The following CUL3 variants were observed in gnomAD, a reference collection of about 807,000 sequenced individuals.
CUL3 encodes the protein cullin-3.
A neutral mutation model predicts 89.1 loss-of-function variants in CUL3; 19 were observed. The observed-to-expected ratio is 0.21, with a 90% CI of 0.15 to 0.31. CUL3 has a LOEUF of 0.31. Ranked by LOEUF, CUL3 falls within the 10% of genes least tolerant of loss-of-function variation. CUL3 has a pLI of 1.00. For synonymous variants in CUL3, 351 were observed against 308.4 expected, an observed-to-expected ratio of 1.14 and a Z score of -1.45; for missense variants, 469 against 942.3, an observed-to-expected ratio of 0.50 and a Z score of 6.58.
intron 3 of CUL3, among the ~76,000 whole-genome samples, chr2:224,523,534 T>A (rs369119239): frequency 3.6e-4 from 55 of 152,214 alleles, no homozygotes; most frequent in African/African-American, 1.3e-3. Flanking sequence ...ACAAAAACAA[T>A]TAACATAGGA....
At chr2:224,522,813 G>A (rs1169952896) in intron 3 of CUL3, among the ~76,000 whole-genome samples, 2 of 146,052 alleles carry the variant, frequency 1.4e-5, no homozygotes, top group East Asian at 2.0e-4. Flanking sequence ...GGGTGACAGC[G>A]TGAGACACCG....
At chr2:224,512,513 T>C (rs1030261639) in intron 5 of CUL3, among the ~76,000 whole-genome samples, 4 of 152,244 alleles carry the variant, frequency 2.6e-5, no homozygotes, top group Non-Finnish European at 2.9e-5. Context: ...ACCTTATAAC[T>C]ACTATCTTAT....
At chr2:224,551,354 C>T (rs1574685993) in intron 2 of CUL3, among the ~76,000 whole-genome samples, 2 of 151,928 alleles carry the variant, frequency 1.3e-5, no homozygotes, top group Admixed American at 6.6e-5. Flanking sequence ...TACAGGTGCC[C>T]GCCACCACGT....
At chr2:224,500,871 G>A (rs931160115) in intron 10 of CUL3, among the ~76,000 whole-genome samples, 4 of 151,950 alleles carry the variant, frequency 2.6e-5, no homozygotes, top group Non-Finnish European at 4.4e-5. Context: ...TGATCTGCCC[G>A]TCTCAGCCTC....
rs1694977405 is a variant in CUL3 at position 224,563,934 on chromosome 2, G to C, written c.67-6078C>G. 2.6e-5 allele frequency among the ~76,000 whole-genome samples: 4 copies of C among 152,020 alleles called. No homozygotes were observed. In the South Asian group the frequency reaches 8.3e-4, roughly 32 times the overall value. On this transcript the variant is annotated intron_variant, in intron 1 of 15. Transcript: ENST00000264414. ...GCTTCCTTTAAGTGAAAAGGTGAAA[G>C]TTCTCTACTTAATAAGGAAAAAAAA...
rs968196250 is a variant in CUL3 at position 224,474,161 on chromosome 2, G to A, written c.*84C>T. The A allele has an allele frequency of 2.7e-5, 37 of 1,356,726 alleles. No individual in the cohort carries two copies. The highest frequency in any genetic ancestry group is 3.8e-4 in the Middle Eastern group (2 of 5,330). The allele number at this position is 1,356,726 out of a possible 1,614,324, so 84.0% of individuals were successfully genotyped here. A position where few individuals can be genotyped will look rare whatever the true frequency, so the allele number is the denominator to read the frequency against. On this transcript the variant is annotated 3_prime_UTR_variant, in exon 16 of 16. Coordinates refer to ENST00000264414, the MANE Select transcript of CUL3 (RefSeq NM_003590.5). ...CTGTAATTTAATAGAAGAGATGGTCGTCTTAATATTTAATGATTTAAAAGA... is the reference window on the plus strand; with the variant it reads ...CTGTAATTTAATAGAAGAGATGGTCATCTTAATATTTAATGATTTAAAAGA...
chr2:224,566,951 G>T (rs1559234153), intron 1 of CUL3, among the ~76,000 whole-genome samples: 1 of 152,142 alleles, frequency 6.6e-6, no homozygotes. Context: ...CCTTGAAATG[G>T]CAGGTAACCA....
At chr2:224,486,816 T>A (rs148235874) in intron 13 of CUL3, among the ~76,000 whole-genome samples, 1 of 151,888 alleles carries the variant, frequency 6.6e-6, no homozygotes. Context: ...CACATAATCA[T>A]CAGATTCACC....
rs561338665 is a variant in CUL3 at position 224,513,578 on chromosome 2, G to C, written c.600C>G (p.Val200=). ...AAGGAGCCTCAAAATCTTCTTCATA[G>C]ACTGATCTTCCTTCGAGACCTAAAA... ...LMILGLEGRS[V]YEEDFEAPFL... Residue 200 remains valine (V), a synonymous_variant, in exon 5 of 16, where the codon GTC becomes GTG. Coordinates refer to ENST00000264414, the MANE Select transcript of CUL3 (RefSeq NM_003590.5). The C allele has an allele frequency of 4.2e-5, 68 of 1,603,384 alleles. No individual in the cohort carries two copies. In the South Asian group the frequency reaches 6.7e-4, roughly 16 times the overall value.
At chr2:224,500,627 CTT>C (rs11350781) in intron 10 of CUL3, 140 bp from the exon 11 acceptor site, 17,188 of 392,166 alleles carry the variant, frequency 0.044, 3 homozygotes, top group South Asian at 0.057. Context: ...ATTTTCTTTT[CTT>C]TTTTTTTTTT....
intron 8 of CUL3, 186 bp downstream of exon 8, chr2:224,505,770 T>C: frequency 3.0e-6 from 1 of 333,524 alleles, no homozygotes; most frequent in Non-Finnish European, 5.3e-6. Context: ...ACACATTAAG[T>C]GAAATGTCTA....
chr2:224,494,742 A>G (rs1692105350), intron 13 of CUL3, among the ~76,000 whole-genome samples: 1 of 152,224 alleles, frequency 6.6e-6, no homozygotes, highest in Non-Finnish European at 1.5e-5. Context: ...ATATAAAAAA[A>G]TTAACCTAAA....
At chr2:224,572,279 C>T (rs1356461504) in intron 1 of CUL3, among the ~76,000 whole-genome samples, 7 of 152,132 alleles carry the variant, frequency 4.6e-5, no homozygotes, top group Admixed American at 4.6e-4. Flanking sequence ...TCAAAAGTCT[C>T]TGCCACGGTT....
At chr2:224,582,105 C>T (rs975349966) in intron 1 of CUL3, among the ~76,000 whole-genome samples, 2 of 152,092 alleles carry the variant, frequency 1.3e-5, no homozygotes, top group Admixed American at 6.5e-5. Flanking sequence ...GCTAGGTTTA[C>T]AGGCATCCGC....
chr2:224,527,434 G>A (rs1693521596), intron 3 of CUL3, among the ~76,000 whole-genome samples: 1 of 152,012 alleles, frequency 6.6e-6, no homozygotes, highest in Admixed American at 6.6e-5. Context: ...ATTCTCCACG[G>A]TAGCTTTAGC....
At chr2:224,484,857 G>A (rs536409875) in intron 13 of CUL3, among the ~76,000 whole-genome samples, 1 of 152,218 alleles carries the variant, frequency 6.6e-6, no homozygotes, top group African/African-American at 2.4e-5. Context: ...GGCCGAATAG[G>A]AACAGCTCCG....
chr2:224,536,370 A>G (rs2106266007), intron 2 of CUL3, among the ~76,000 whole-genome samples: 1 of 152,286 alleles, frequency 6.6e-6, no homozygotes, highest in South Asian at 2.1e-4. Flanking sequence ...AGTCTTTCCC[A>G]ACCAATTACT....
intron 14 of CUL3, among the ~76,000 whole-genome samples, chr2:224,481,236 A>G (rs1418991518): frequency 6.6e-6 from 1 of 152,076 alleles, no homozygotes; most frequent in Non-Finnish European, 1.5e-5. Context: ...TAGGAAGCCT[A>G]TCTAATACTA....
intron 13 of CUL3, among the ~76,000 whole-genome samples, chr2:224,491,929 T>C (rs888574049): frequency 6.6e-6 from 1 of 152,188 alleles, no homozygotes; most frequent in Non-Finnish European, 1.5e-5. Flanking sequence ...ATGCTGACCT[T>C]TCTTTGTATT....
Sources: gnomAD v4.1 joint callset for allele counts (sites outside exome capture counted in the v4.1 genomes callset) on GRCh38, gnomAD v4.1.1 for gene constraint, MANE v1.5 for transcripts, NCBI Gene and HGNC (gene_info 2026-07-23, HGNC 2026-07-21) for gene names.